The following SGCZ variants were observed in gnomAD, a reference collection of about 807,000 sequenced individuals.
SGCZ encodes the protein zeta-sarcoglycan.
In SGCZ, 40 loss-of-function variants were observed where a neutral mutation model predicts 41.3. The ratio of observed to expected loss-of-function variants is 0.97; its 90% CI spans 0.75 to 1.26. The LOEUF is 1.26. SGCZ is among the 50% of genes most tolerant of loss of function. The probability of loss-of-function intolerance (pLI) is 0.00; values close to 1 mark genes in which losing one functional copy is unlikely to be tolerated. For missense variants in SGCZ, 552 were observed against 369.8 expected (o/e 1.49, Z -4.04); for synonymous variants, 206 against 137.5 (o/e 1.50, Z -3.49).
chr8:14,992,695 AC>A lies in SGCZ; in HGVS notation c.39+244889del, dbSNP rs58881776. Among the ~76,000 whole-genome samples the A allele has an allele frequency of 5.6e-5, 6 of 107,868 alleles. No homozygotes were observed. The East Asian group carries it at 1.2e-3, about 22-fold the overall frequency. 70.8% of individuals were successfully genotyped at this position (107,868 alleles called of 152,430 possible). The stretch of plus-strand genomic sequence containing the variant: ...AAAACGAGTGTTACCCTTGATATTT[AC>A]CCCCCACCCATCCTCCTCATTCAAT... On this transcript the variant is annotated intron_variant, in intron 1 of 7. Coordinates refer to ENST00000382080, the MANE Select transcript of SGCZ (RefSeq NM_139167.4).
intron 1 of SGCZ, among the ~76,000 whole-genome samples, chr8:14,649,982 T>C (rs1807344611): frequency 1.3e-5 from 2 of 151,996 alleles, no homozygotes; most frequent in Admixed American, 1.3e-4. Flanking sequence ...CTGTCAGAGA[T>C]CAGAAGGAGT....
At chr8:14,622,532 T>C (rs1055574566) in intron 1 of SGCZ, among the ~76,000 whole-genome samples, 2 of 152,234 alleles carry the variant, frequency 1.3e-5, no homozygotes, top group African/African-American at 4.8e-5. Context: ...AGATGTCACC[T>C]GAAAGAGTGT....
chr8:15,119,530 C>G (rs934768928), intron 1 of SGCZ, among the ~76,000 whole-genome samples: 1 of 139,070 alleles, frequency 7.2e-6, no homozygotes, highest in African/African-American at 3.1e-5. Context: ...GACCCTGTCT[C>G]AAAAAGAAAA....
chr8:14,659,918 A>C (rs1418071794), intron 1 of SGCZ, among the ~76,000 whole-genome samples: 1 of 152,164 alleles, frequency 6.6e-6, no homozygotes, highest in Non-Finnish European at 1.5e-5. Flanking sequence ...TGTAATTCTA[A>C]AAAGGGGAAA....
chr8:15,232,005 C>A (rs1801956239), intron 1 of SGCZ, among the ~76,000 whole-genome samples: 1 of 152,136 alleles, frequency 6.6e-6, no homozygotes, highest in African/African-American at 2.4e-5. Flanking sequence ...ACAAACCAAG[C>A]ACAATTCTCA....
intron 2 of SGCZ, among the ~76,000 whole-genome samples, chr8:14,343,609 C>T (rs1026654053): frequency 6.6e-6 from 1 of 152,024 alleles, no homozygotes; most frequent in African/African-American, 2.4e-5. Context: ...AATACTAGTG[C>T]TCAGTCAGGG....
chr8:14,121,663 G>C (rs1443144368), intron 5 of SGCZ, among the ~76,000 whole-genome samples: 1 of 152,028 alleles, frequency 6.6e-6, no homozygotes, highest in Admixed American at 6.5e-5. Flanking sequence ...TATTTTGTCA[G>C]TTCACTACAC....
At chr8:15,012,585 C>CATATAAATATATATTTATATAAA (rs1563436016) in intron 1 of SGCZ, among the ~76,000 whole-genome samples, 2 of 117,872 alleles carry the variant, frequency 1.7e-5, no homozygotes, top group African/African-American at 6.3e-5. Context: ...ATTTATATAA[C>CATATAAATATATATTTATATAAA]ATATAAATAT....
At chr8:14,512,415 G>A (rs1218285076) in intron 2 of SGCZ, among the ~76,000 whole-genome samples, 1 of 151,940 alleles carries the variant, frequency 6.6e-6, no homozygotes, top group Non-Finnish European at 1.5e-5. Context: ...TTCATCCATA[G>A]CTCCTTGTGT....
intron 1 of SGCZ, among the ~76,000 whole-genome samples, chr8:14,686,591 A>G (rs1808618794): frequency 6.6e-6 from 1 of 152,060 alleles, no homozygotes; most frequent in Admixed American, 6.6e-5. Context: ...CCAGGTTTTC[A>G]GCTTCTGGAG....
chr8:14,869,786 C>A (rs1804077738), intron 1 of SGCZ, among the ~76,000 whole-genome samples: 1 of 152,180 alleles, frequency 6.6e-6, no homozygotes, highest in South Asian at 2.1e-4. Context: ...AATTCCTATA[C>A]ACCAACAATA....
chr8:14,281,142 T>A (rs1218503596), intron 3 of SGCZ, among the ~76,000 whole-genome samples: 1 of 151,996 alleles, frequency 6.6e-6, no homozygotes, highest in Non-Finnish European at 1.5e-5. Flanking sequence ...TCTAGAATTT[T>A]AAAAAAATGA....
chr8:15,106,029 T>C lies in SGCZ; in HGVS notation c.39+131556A>G, dbSNP rs77861292. Among the ~76,000 whole-genome samples the C allele has an allele frequency of 3.5e-3, 528 of 152,340 alleles. 1 individual carries two copies. Among genetic ancestry groups the C allele is most frequent in the African/African-American group, 0.012 (513 of 41,582 alleles). On this transcript the variant is annotated intron_variant, in intron 1 of 7. Coordinates refer to ENST00000382080, the MANE Select transcript of SGCZ (RefSeq NM_139167.4). ...TTGACTAGTTCTGGTTTTACTTCTC[T>C]GCTTATACAAATCCCAAATTGATTA...
In SGCZ at chr8:15,192,068, T is replaced by C. The variant is rs557580518; in HGVS notation, c.39+45517A>G. ...TAGCACTTCATAATTAGAGCTACTA[T>C]TATATTCCCAGTGTTTTTACTTCTG... is the stretch of plus-strand genomic sequence containing the variant. On this transcript the variant is annotated intron_variant, in intron 1 of 7. Transcript: ENST00000382080. 3.3e-5 allele frequency among the ~76,000 whole-genome samples: 5 copies of C among 152,266 alleles called. 1 individual carries two copies. In the South Asian group the frequency reaches 1.0e-3, roughly 32 times the overall value.
intron 1 of SGCZ, among the ~76,000 whole-genome samples, chr8:14,824,501 A>T (rs1445291230): frequency 6.6e-6 from 1 of 152,132 alleles, no homozygotes; most frequent in Admixed American, 6.5e-5. Context: ...TAATTTTAAA[A>T]AATCCAGGAT....
At chr8:14,306,691 A>T (rs1467114061) in intron 3 of SGCZ, among the ~76,000 whole-genome samples, 2 of 86,732 alleles carry the variant, frequency 2.3e-5, no homozygotes, top group Non-Finnish European at 5.1e-5. Flanking sequence ...AATTAAGAAG[A>T]AAAAATAAGT....
chr8:15,136,136 T>C (rs576378315), intron 1 of SGCZ, among the ~76,000 whole-genome samples: 10 of 152,160 alleles, frequency 6.6e-5, no homozygotes, highest in African/African-American at 2.4e-4. Flanking sequence ...GGTCCTCAAT[T>C]TGGTCCAGGG....
chr8:15,037,920 T>C (rs1803929685), intron 1 of SGCZ, among the ~76,000 whole-genome samples: 2 of 151,924 alleles, frequency 1.3e-5, no homozygotes. Context: ...AAGAGAGAAG[T>C]GTATACTGAA....
At chr8:14,330,382 C>G (rs1406731889) in intron 2 of SGCZ, among the ~76,000 whole-genome samples, 1 of 151,942 alleles carries the variant, frequency 6.6e-6, no homozygotes, top group Admixed American at 6.6e-5. Context: ...ATCACAATTA[C>G]TAAAATTTAT....
Sources: gnomAD v4.1 joint callset for allele counts (sites outside exome capture counted in the v4.1 genomes callset) on GRCh38, gnomAD v4.1.1 for gene constraint, MANE v1.5 for transcripts, NCBI Gene and HGNC (gene_info 2026-07-23, HGNC 2026-07-21) for gene names.